NUDT9: variants seen among roughly 807,000 people sequenced by gnomAD.
The protein encoded by NUDT9 is nudix hydrolase 9, also known as ADP-ribose pyrophosphatase.
Under a neutral mutation model 41.0 loss-of-function variants are expected in NUDT9, and 31 were observed. That is an observed-to-expected ratio of 0.76 (90% CI 0.57 to 1.02). NUDT9 has a LOEUF of 1.02. NUDT9 is among the 50% of genes least tolerant of loss of function. NUDT9 has a pLI of 0.00. For synonymous variants in NUDT9, 146 were observed against 147.6 expected, an observed-to-expected ratio of 0.99 and a Z score of 0.08; for missense variants, 380 against 431.4, an observed-to-expected ratio of 0.88 and a Z score of 1.06.
intron 2 of NUDT9, among the ~76,000 whole-genome samples, chr4:87,435,448 AT>A (rs1229173278): frequency 6.6e-6 from 1 of 152,188 alleles, no homozygotes; most frequent in Non-Finnish European, 1.5e-5. Flanking sequence ...ATCTGTTTTG[AT>A]TTGAAATAAC....
intron 4 of NUDT9, among the ~76,000 whole-genome samples, chr4:87,442,453 C>G (rs1722244901): frequency 6.6e-6 from 1 of 152,048 alleles, no homozygotes; most frequent in African/African-American, 2.4e-5. Flanking sequence ...ATTACTGTCC[C>G]CTATTGTAGA....
In NUDT9 at chr4:87,458,182, G is replaced by A. The variant is rs1723073186; in HGVS notation, c.*161G>A. 1 of 509,070 alleles carries A rather than the reference G, an allele frequency of 2.0e-6. No individual in the cohort carries two copies. The highest frequency in any genetic ancestry group is 3.1e-6 in the Non-Finnish European group (1 of 321,548). The allele number at this position is 509,070 out of a possible 1,614,324, so 31.5% of individuals were successfully genotyped here. ...AGTGTTTCGCATCAGAATAACATGA[G>A]TAAGATGAACTGGAACACAAAATTT... On this transcript the variant is annotated 3_prime_UTR_variant, in exon 8 of 8. Coordinates refer to ENST00000302174, the MANE Select transcript of NUDT9 (RefSeq NM_024047.5).
At chr4:87,440,619 G>A (rs181042425) in intron 3 of NUDT9, among the ~76,000 whole-genome samples, 21 of 152,050 alleles carry the variant, frequency 1.4e-4, no homozygotes, top group Non-Finnish European at 2.9e-4. Context: ...AGGCTGAGGC[G>A]GGTGGATCGT....
In NUDT9 at chr4:87,423,680, A is replaced by G. The variant is rs111496586; in HGVS notation, c.107+668A>G. ...TAAATAATTTACTTACTGTTGGTCA[A>G]TTGTTCTGTGTCTTTTTGGTCCTGT... On this transcript the variant is annotated intron_variant, in intron 1 of 7. Transcript: ENST00000302174. 3.6e-4 allele frequency among the ~76,000 whole-genome samples: 55 copies of G among 152,270 alleles called. 1 individual carries two copies. Among genetic ancestry groups the G allele is most frequent in the African/African-American group, 1.3e-3 (55 of 41,556 alleles).
At chr4:87,450,440 C>T (rs550995901) in intron 5 of NUDT9, among the ~76,000 whole-genome samples, 2 of 138,948 alleles carry the variant, frequency 1.4e-5, no homozygotes, top group South Asian at 4.6e-4. Context: ...AGTGCAATGG[C>T]ATGATCTCAG....
rs1195555301 is a variant in NUDT9 at position 87,435,048 on chromosome 4, G to A, written c.175G>A (p.Glu59Lys). The change falls in exon 2 of 8, where the codon GAA becomes AAA. Residue 59 changes from glutamate (E) to lysine (K), a missense_variant. Coordinates refer to ENST00000302174, the MANE Select transcript of NUDT9 (RefSeq NM_024047.5). The stretch of plus-strand genomic sequence containing the variant: ...CATGTCTGGTTCTAATGGTTCCAAA[G>A]AAAATTCTCACAATAAGGCTCGGAC... ...NVMSGSNGSK[E>K]NSHNKARTSP... 6.2e-7 allele frequency: 1 copy of A among 1,614,148 alleles called. No individual in the cohort carries two copies.
intron 7 of NUDT9, among the ~76,000 whole-genome samples, chr4:87,454,831 A>G (rs1417570211): frequency 6.6e-6 from 1 of 152,220 alleles, no homozygotes; most frequent in Non-Finnish European, 1.5e-5. Flanking sequence ...TGGGATTTAT[A>G]TCTTACTATT....
chr4:87,430,234 A>G (rs1017182942), intron 1 of NUDT9, among the ~76,000 whole-genome samples: 1 of 152,226 alleles, frequency 6.6e-6, no homozygotes, highest in Non-Finnish European at 1.5e-5. Flanking sequence ...CTGGGAAAGT[A>G]TGGCAAATGG....
intron 1 of NUDT9, among the ~76,000 whole-genome samples, chr4:87,425,725 A>AG (rs1252624133): frequency 1.3e-5 from 2 of 151,754 alleles, no homozygotes; most frequent in Non-Finnish European, 1.5e-5. Flanking sequence ...AAAAAAAAAA[A>AG]AAAAAAGAAT....
chr4:87,451,215 T>C (rs938085462), intron 5 of NUDT9, among the ~76,000 whole-genome samples: 8 of 152,168 alleles, frequency 5.3e-5, no homozygotes, highest in African/African-American at 1.9e-4. Flanking sequence ...GCGGGCAGCA[T>C]GTTAGGCAGG....
chr4:87,444,414 T>A (rs1722356106), intron 4 of NUDT9, among the ~76,000 whole-genome samples: 1 of 152,152 alleles, frequency 6.6e-6, no homozygotes, highest in African/African-American at 2.4e-5. Context: ...AAATTTTATC[T>A]TCCCTCCATC....
chr4:87,448,689 A>T (rs762381078), intron 4 of NUDT9, among the ~76,000 whole-genome samples: 5 of 152,196 alleles, frequency 3.3e-5, no homozygotes, highest in Non-Finnish European at 5.9e-5. Flanking sequence ...GTTGTTGCCC[A>T]TCCTGGTCTT....
intron 1 of NUDT9, among the ~76,000 whole-genome samples, chr4:87,428,501 GATAA>G (rs1392104078): frequency 2.0e-5 from 3 of 150,510 alleles, no homozygotes; most frequent in Non-Finnish European, 2.9e-5. Flanking sequence ...TAGGTAAATG[GATAA>G]ATAAACTGCG....
chr4:87,423,750 T>G (rs1721267082), intron 1 of NUDT9, among the ~76,000 whole-genome samples: 1 of 152,224 alleles, frequency 6.6e-6, no homozygotes. Flanking sequence ...GCACTGGTTA[T>G]CTGTCTATAT....
At chr4:87,433,139 T>C (rs1415114060) in intron 1 of NUDT9, among the ~76,000 whole-genome samples, 1 of 152,198 alleles carries the variant, frequency 6.6e-6, no homozygotes, top group African/African-American at 2.4e-5. Context: ...GGTTTTTCTT[T>C]GTTGGGAGTA....
At chr4:87,435,271 A>G (rs567524673) in intron 2 of NUDT9, 51 bp downstream of exon 2, 32 of 1,543,194 alleles carry the variant, frequency 2.1e-5, no homozygotes, top group Middle Eastern at 3.5e-4. Flanking sequence ...AGAGAAGGTA[A>G]TGGTTTTATT....
intron 1 of NUDT9, among the ~76,000 whole-genome samples, chr4:87,425,300 G>T (rs917889621): frequency 6.6e-6 from 1 of 152,012 alleles, no homozygotes; most frequent in Non-Finnish European, 1.5e-5. Context: ...TTGAGCTCAG[G>T]AGTTGAGTTT....
intron 7 of NUDT9, among the ~76,000 whole-genome samples, chr4:87,456,771 A>G (rs550693505): frequency 6.6e-6 from 1 of 152,056 alleles, no homozygotes; most frequent in Non-Finnish European, 1.5e-5. Flanking sequence ...TCTACTAAGA[A>G]TACAAAAAAA....
intron 1 of NUDT9, among the ~76,000 whole-genome samples, chr4:87,431,382 G>T (rs533297168): frequency 2.6e-5 from 4 of 152,154 alleles, no homozygotes; most frequent in African/African-American, 9.7e-5. Context: ...TTTCAAGATT[G>T]TCTTGGCTAT....
Sources: allele counts gnomAD v4.1 joint callset (sites outside exome capture counted in the v4.1 genomes callset), GRCh38; gene constraint gnomAD v4.1.1; transcripts MANE v1.5; gene names NCBI Gene and HGNC (gene_info 2026-07-23, HGNC 2026-07-21).